SLC25A26: variants seen among roughly 807,000 people sequenced by gnomAD.
The protein encoded by SLC25A26 is solute carrier family 25 member 26.
SLC25A26 carries 36 observed loss-of-function variants against 37.8 expected under a neutral mutation model. That is an observed-to-expected ratio of 0.95 (90% CI 0.73 to 1.26). The LOEUF (loss-of-function observed/expected upper bound fraction) is 1.26, where lower values mean the gene tolerates loss of function less well. Ranked by LOEUF, SLC25A26 falls within the 50% of genes most tolerant of loss-of-function variation. The probability of loss-of-function intolerance (pLI) is 0.00; values close to 1 mark genes in which losing one functional copy is unlikely to be tolerated. For synonymous variants in SLC25A26, 129 were observed against 122.5 expected (o/e 1.05, Z -0.35); for missense variants, 390 against 331.1 (o/e 1.18, Z -1.38).
At chr3:66,279,177 T>C (rs1287741750) in intron 5 of SLC25A26, among the ~76,000 whole-genome samples, 2 of 152,214 alleles carry the variant, frequency 1.3e-5, no homozygotes, top group African/African-American at 4.8e-5. Context: ...TTGCATTATT[T>C]TTAGGTATGA....
chr3:66,289,010 A>G (rs1447410347), intron 5 of SLC25A26, among the ~76,000 whole-genome samples: 2 of 152,018 alleles, frequency 1.3e-5, no homozygotes, highest in Non-Finnish European at 2.9e-5. Flanking sequence ...CTTTTTAATG[A>G]TTGTCATTCT....
intron 6 of SLC25A26, among the ~76,000 whole-genome samples, chr3:66,361,067 T>TA (rs1312498852): frequency 6.6e-6 from 1 of 152,168 alleles, no homozygotes; most frequent in East Asian, 1.9e-4. Flanking sequence ...GAGAACATAA[T>TA]AGAGAGTTCA....
At position 66,236,624 on chromosome 3, in the gene SLC25A26, A is replaced by C. The variant is rs541313548; in HGVS notation, c.114A>C (p.Gln38His). Residue 38 changes from glutamine to histidine, a missense_variant, in exon 2 of 10, where the codon CAA becomes CAC. Coordinates refer to ENST00000354883, the MANE Select transcript of SLC25A26 (RefSeq NM_001379210.1). ...TTAAAACCAGGCTGCAGAGTCCCCAAGGATTTAGTAAGGCTGGTGGTTTTC... is the reference window on the plus strand; with the variant it reads ...TTAAAACCAGGCTGCAGAGTCCCCACGGATTTAGTAAGGCTGGTGGTTTTC... ...DTIKTRLQSP[Q>H]GFSKAGGFHG... 2 of 1,529,418 alleles carry C rather than the reference A, an allele frequency of 1.3e-6. No individual in the cohort carries two copies. The highest frequency in any genetic ancestry group is 2.7e-5 in the African/African-American group (2 of 72,932). The allele number at this position is 1,529,418 out of a possible 1,614,324, so 94.7% of individuals were successfully genotyped here.
At chr3:66,164,350 C>T (rs2070397394) in intron 1 of SLC25A26, among the ~76,000 whole-genome samples, 1 of 152,152 alleles carries the variant, frequency 6.6e-6, no homozygotes, top group Non-Finnish European at 1.5e-5. Context: ...GCTTTTCCCT[C>T]ATGGTTGCAA....
intron 5 of SLC25A26, among the ~76,000 whole-genome samples, chr3:66,329,381 C>T (rs754405747): frequency 5.3e-5 from 8 of 152,126 alleles, no homozygotes; most frequent in African/African-American, 7.2e-5. Context: ...AAATTTTATG[C>T]TTGTAAGTGG....
chr3:66,237,048 G>A (rs191709629), intron 2 of SLC25A26, among the ~76,000 whole-genome samples: 14 of 152,162 alleles, frequency 9.2e-5, no homozygotes, highest in African/African-American at 3.1e-4. Flanking sequence ...TGTTGTCTAG[G>A]CTGGTCTTGA....
chr3:66,256,941 G>A (rs2073327417), intron 3 of SLC25A26, among the ~76,000 whole-genome samples: 1 of 152,076 alleles, frequency 6.6e-6, no homozygotes, highest in African/African-American at 2.4e-5. Context: ...TCATTTCTGT[G>A]GAATTGATGA....
intron 5 of SLC25A26, among the ~76,000 whole-genome samples, chr3:66,268,917 A>T (rs1576756605): frequency 1.3e-5 from 2 of 152,130 alleles, no homozygotes; most frequent in East Asian, 3.9e-4. Context: ...TTCTGCCATG[A>T]TTGTAAGTTG....
chr3:66,287,275 G>A (rs1233403302), intron 5 of SLC25A26, among the ~76,000 whole-genome samples: 4 of 147,838 alleles, frequency 2.7e-5, no homozygotes, highest in African/African-American at 1.0e-4. Context: ...TAGCCTGGGC[G>A]ACAGAGCGAG....
chr3:66,266,154 A>T (rs897132503), intron 5 of SLC25A26, among the ~76,000 whole-genome samples: 1 of 108,560 alleles, frequency 9.2e-6, no homozygotes, highest in Non-Finnish European at 1.8e-5. Context: ...GGTCTTCTGC[A>T]TTATGCATAT....
chr3:66,165,439 G>A (rs538414680), intron 1 of SLC25A26, among the ~76,000 whole-genome samples: 155 of 152,286 alleles, frequency 1.0e-3, no homozygotes, highest in African/African-American at 3.6e-3. Flanking sequence ...CATAGATAAT[G>A]AATACAGAGG....
At chr3:66,261,926 A>G in intron 3 of SLC25A26, 125 bp from the exon 4 acceptor site, 1 of 631,800 alleles carries the variant, frequency 1.6e-6, no homozygotes, top group Non-Finnish European at 2.8e-6. Flanking sequence ...AAAAAAAGAA[A>G]CTTTTTGACA....
At chr3:66,139,367 G>C (rs2069998484) in intron 1 of SLC25A26, among the ~76,000 whole-genome samples, 2 of 152,124 alleles carry the variant, frequency 1.3e-5, no homozygotes, top group African/African-American at 4.8e-5. Flanking sequence ...TGCTCTACTT[G>C]ACAGTTGTGA....
At chr3:66,333,718 C>T (rs1249070741) in intron 5 of SLC25A26, among the ~76,000 whole-genome samples, 1 of 152,140 alleles carries the variant, frequency 6.6e-6, no homozygotes, top group Non-Finnish European at 1.5e-5. Flanking sequence ...CCCTGTTCCC[C>T]ACCCAAGGGT....
chr3:66,339,718 TC>T (rs1227618043), intron 5 of SLC25A26, among the ~76,000 whole-genome samples: 4 of 152,134 alleles, frequency 2.6e-5, no homozygotes, highest in Non-Finnish European at 5.9e-5. Flanking sequence ...TTTTTTAAAA[TC>T]TGGTTGTTTT....
intron 7 of SLC25A26, among the ~76,000 whole-genome samples, chr3:66,367,703 GAC>G (rs1229769096): frequency 8.1e-6 from 1 of 122,780 alleles, no homozygotes; most frequent in Non-Finnish European, 1.5e-5. Context: ...CAGACAGACA[GAC>G]ACAGAGAGAG....
At chr3:66,186,611 A>G (rs1279416074) in intron 1 of SLC25A26, among the ~76,000 whole-genome samples, 3 of 152,076 alleles carry the variant, frequency 2.0e-5, no homozygotes, top group African/African-American at 7.2e-5. Context: ...AATCTGACCC[A>G]GATCATAAAT....
intron 1 of SLC25A26, among the ~76,000 whole-genome samples, chr3:66,195,657 G>A (rs2071034452): frequency 6.6e-6 from 1 of 152,204 alleles, no homozygotes; most frequent in African/African-American, 2.4e-5. Context: ...TTCTGGTTGT[G>A]TGGTCCGTAT....
chr3:66,163,687 A>G (rs1015410867), intron 1 of SLC25A26, among the ~76,000 whole-genome samples: 4 of 152,072 alleles, frequency 2.6e-5, no homozygotes, highest in Non-Finnish European at 5.9e-5. Flanking sequence ...CCTCCTCTTC[A>G]CTGTCTTTAT....
Sources: gnomAD v4.1 joint callset for allele counts (sites outside exome capture counted in the v4.1 genomes callset) on GRCh38, gnomAD v4.1.1 for gene constraint, MANE v1.5 for transcripts, NCBI Gene and HGNC (gene_info 2026-07-23, HGNC 2026-07-21) for gene names.